PRR16: variants seen among roughly 807,000 people sequenced by gnomAD.
PRR16 encodes the protein protein Largen.
Under a neutral mutation model 18.2 loss-of-function variants are expected in PRR16, and 6 were observed. The observed-to-expected ratio is 0.33, with a 90% CI of 0.18 to 0.65. PRR16 has a LOEUF of 0.65. Ranked by LOEUF, PRR16 falls within the 30% of genes least tolerant of loss-of-function variation. The probability of loss-of-function intolerance (pLI) is 0.74; values close to 1 mark genes in which losing one functional copy is unlikely to be tolerated. For missense variants in PRR16, 412 were observed against 376.6 expected, an observed-to-expected ratio of 1.09 and a Z score of -0.78; for synonymous variants, 151 against 147.8, an observed-to-expected ratio of 1.02 and a Z score of -0.16.
At chr5:120,680,546 T>C (rs1308087308) in intron 1 of PRR16, among the ~76,000 whole-genome samples, 1 of 152,148 alleles carries the variant, frequency 6.6e-6, no homozygotes, top group Non-Finnish European at 1.5e-5. Flanking sequence ...TACTGGACTT[T>C]CCCTGGCGTT....
intron 1 of PRR16, among the ~76,000 whole-genome samples, chr5:120,489,072 G>T (rs1247808928): frequency 6.6e-6 from 1 of 152,080 alleles, no homozygotes; most frequent in East Asian, 1.9e-4. Context: ...TTACTTCCAA[G>T]TATGTGGTCA....
At chr5:120,518,194 T>A (rs2112647412) in intron 1 of PRR16, among the ~76,000 whole-genome samples, 1 of 152,302 alleles carries the variant, frequency 6.6e-6, no homozygotes, top group African/African-American at 2.4e-5. Context: ...TTAAATGAGG[T>A]AATGTATAAA....
intron 1 of PRR16, among the ~76,000 whole-genome samples, chr5:120,539,568 T>A (rs1751840091): frequency 6.6e-6 from 1 of 152,104 alleles, no homozygotes; most frequent in Non-Finnish European, 1.5e-5. Context: ...GGTATTATAC[T>A]GATTACCAGG....
chr5:120,717,131 A>G, the PRR16 span, among the ~76,000 whole-genome samples: 2 of 152,188 alleles, frequency 1.3e-5, no homozygotes, highest in Non-Finnish European at 1.5e-5. Flanking sequence ...TGAACATATT[A>G]CTAAAAAATG....
intron 1 of PRR16, among the ~76,000 whole-genome samples, chr5:120,509,622 G>A (rs1750756304): frequency 6.6e-6 from 1 of 152,130 alleles, no homozygotes; most frequent in Non-Finnish European, 1.5e-5. Context: ...AATTTGAGAA[G>A]AGGAGCTATA....
At chr5:120,575,948 A>T (rs1050428158) in intron 1 of PRR16, among the ~76,000 whole-genome samples, 1 of 152,176 alleles carries the variant, frequency 6.6e-6, no homozygotes, top group African/African-American at 2.4e-5. Context: ...CTCTGCAATA[A>T]ATAGTGCTGG....
the PRR16 span, among the ~76,000 whole-genome samples, chr5:120,732,120 C>A: frequency 1.5e-4 from 23 of 152,178 alleles, no homozygotes; most frequent in African/African-American, 5.3e-4. Flanking sequence ...TTCTTTAGAC[C>A]AAGAGACACA....
chr5:120,497,926 A>T (rs894706910), intron 1 of PRR16, among the ~76,000 whole-genome samples: 3 of 151,808 alleles, frequency 2.0e-5, no homozygotes, highest in Non-Finnish European at 4.4e-5. Context: ...TCCTGTCTAT[A>T]TCATTATATT....
the PRR16 span, among the ~76,000 whole-genome samples, chr5:120,774,874 A>C: frequency 2.0e-5 from 3 of 152,294 alleles, no homozygotes; most frequent in Non-Finnish European, 2.9e-5. Flanking sequence ...GCAGGTCTAT[A>C]GCTTTCATCT....
chr5:120,652,748 A>G (rs1755834526), intron 1 of PRR16, among the ~76,000 whole-genome samples: 1 of 152,040 alleles, frequency 6.6e-6, no homozygotes, highest in Non-Finnish European at 1.5e-5. Flanking sequence ...ATCGTGCAAC[A>G]GAAAAGGGAC....
At chr5:120,793,549 AAG>A in the PRR16 span, among the ~76,000 whole-genome samples, 6 of 152,264 alleles carry the variant, frequency 3.9e-5, no homozygotes, top group Admixed American at 2.0e-4. Flanking sequence ...AAAGAGAAAA[AAG>A]AGAGTAGTGC....
chr5:120,747,450 T>C, the PRR16 span, among the ~76,000 whole-genome samples: 1 of 152,168 alleles, frequency 6.6e-6, no homozygotes, highest in African/African-American at 2.4e-5. Context: ...GCATCTGATG[T>C]AGAAAGCTTC....
At chr5:120,739,240 CTATAT>C in the PRR16 span, among the ~76,000 whole-genome samples, 1 of 151,988 alleles carries the variant, frequency 6.6e-6, no homozygotes, top group Non-Finnish European at 1.5e-5. Flanking sequence ...AAGATGGTCT[CTATAT>C]TATGAGATAT....
the PRR16 span, among the ~76,000 whole-genome samples, chr5:120,775,796 ATTTTT>A: frequency 4.8e-4 from 39 of 80,614 alleles, no homozygotes; most frequent in East Asian, 1.0e-3. Context: ...ACGCCTGGCT[ATTTTT>A]TTTTTTTTTT....
At chr5:120,718,707 A>T in the PRR16 span, among the ~76,000 whole-genome samples, 4 of 152,102 alleles carry the variant, frequency 2.6e-5, no homozygotes, top group Non-Finnish European at 4.4e-5. Flanking sequence ...TGGATTACAT[A>T]GTGCATGGGG....
rs548700212 is a variant in PRR16, at chr5:120,569,656, G to C, written c.159+105011G>C. 4.6e-5 allele frequency among the ~76,000 whole-genome samples: 7 copies of C among 152,164 alleles called. No homozygotes were observed. In the East Asian group the frequency reaches 1.4e-3, roughly 30 times the overall value. ...TAAGAACAAAACATCACCCCACAAA[G>C]AAGCAGCAGAAAAATGCCACGGTGT... On this transcript the variant is annotated intron_variant, in intron 1 of 1. Transcript: ENST00000407149.
the PRR16 span, among the ~76,000 whole-genome samples, chr5:120,756,001 T>A: frequency 6.6e-6 from 1 of 152,124 alleles, no homozygotes; most frequent in African/African-American, 2.4e-5. Flanking sequence ...ACACCCTATG[T>A]AAATGAAGGA....
chr5:120,526,602 T>C (rs1321159470), intron 1 of PRR16, among the ~76,000 whole-genome samples: 2 of 152,260 alleles, frequency 1.3e-5, no homozygotes, highest in African/African-American at 2.4e-5. Flanking sequence ...GCCACATGTA[T>C]CAACTCTGCT....
At chr5:120,508,640 A>C (rs1212642436) in intron 1 of PRR16, among the ~76,000 whole-genome samples, 2 of 152,122 alleles carry the variant, frequency 1.3e-5, no homozygotes, top group East Asian at 3.8e-4. Flanking sequence ...TCTCCAGTAT[A>C]TCCAGAATAT....
Sources: allele counts gnomAD v4.1 joint callset (sites outside exome capture counted in the v4.1 genomes callset), GRCh38; gene constraint gnomAD v4.1.1; transcripts MANE v1.5; gene names NCBI Gene and HGNC (gene_info 2026-07-23, HGNC 2026-07-21).